Variants in WDFY2 observed in about 807,000 individuals in gnomAD.
WDFY2 encodes the protein WD repeat and FYVE domain containing 2, also known as WD repeat and FYVE domain-containing protein 2.
Under a neutral mutation model 56.4 loss-of-function variants are expected in WDFY2, and 36 were observed. The observed-to-expected ratio is 0.64, with a 90% CI of 0.49 to 0.84. WDFY2 has a LOEUF of 0.84. Among genes scored for constraint, WDFY2 ranks in the 40% least tolerant of loss-of-function variants. The pLI is 0.00. For synonymous variants in WDFY2, 176 were observed against 183.7 expected, an observed-to-expected ratio of 0.96 and a Z score of 0.34; for missense variants, 444 against 512.2, an observed-to-expected ratio of 0.87 and a Z score of 1.29.
At chr13:51,668,976 A>G (rs1955761903) in intron 2 of WDFY2, among the ~76,000 whole-genome samples, 1 of 152,206 alleles carries the variant, frequency 6.6e-6, no homozygotes, top group Admixed American at 6.5e-5. Context: ...CCAAATCGAA[A>G]TATTTTGAGA....
intron 1 of WDFY2, among the ~76,000 whole-genome samples, chr13:51,621,677 T>G (rs964713429): frequency 6.6e-6 from 1 of 152,186 alleles, no homozygotes; most frequent in Non-Finnish European, 1.5e-5. Flanking sequence ...GCCTCACCTC[T>G]CTGAAAGTTT....
intron 1 of WDFY2, among the ~76,000 whole-genome samples, chr13:51,640,695 A>G (rs988764189): frequency 1.2e-4 from 19 of 152,042 alleles, no homozygotes; most frequent in African/African-American, 4.6e-4. Context: ...CTAAAAATAC[A>G]AAAAATTAGC....
chr13:51,621,179 T>C (rs557844844), intron 1 of WDFY2, among the ~76,000 whole-genome samples: 55 of 152,322 alleles, frequency 3.6e-4, no homozygotes, highest in African/African-American at 1.3e-3. Context: ...TTGGAAGTGG[T>C]TATGTGCAGA....
chr13:51,695,964 G>A (rs531047361), intron 3 of WDFY2, among the ~76,000 whole-genome samples: 41 of 152,358 alleles, frequency 2.7e-4, no homozygotes, highest in Middle Eastern at 3.4e-3. Flanking sequence ...GACTGTGGGC[G>A]TAGGACCCTC....
intron 1 of WDFY2, among the ~76,000 whole-genome samples, chr13:51,614,324 G>A (rs17597215): frequency 0.14 from 20,837 of 152,164 alleles, 1,784 homozygotes; most frequent in South Asian, 0.23. Flanking sequence ...AAGATGTTGA[G>A]TGAACCCTGA....
intron 1 of WDFY2, among the ~76,000 whole-genome samples, chr13:51,621,687 T>C (rs922721200): frequency 6.6e-6 from 1 of 152,192 alleles, no homozygotes; most frequent in Non-Finnish European, 1.5e-5. Context: ...TCTGAAAGTT[T>C]TAAAGAATGC....
chr13:51,722,355 A>G (rs1223767736), intron 5 of WDFY2, among the ~76,000 whole-genome samples: 1 of 152,220 alleles, frequency 6.6e-6, no homozygotes, highest in Admixed American at 6.5e-5. Context: ...GTAAAGGAAG[A>G]CAAAGAGACT....
At chr13:51,635,781 A>G (rs1955036583) in intron 1 of WDFY2, among the ~76,000 whole-genome samples, 1 of 152,218 alleles carries the variant, frequency 6.6e-6, no homozygotes, top group African/African-American at 2.4e-5. Context: ...GATACAAAGC[A>G]AATAAAACAC....
At chr13:51,642,929 G>C (rs1955198416) in intron 1 of WDFY2, among the ~76,000 whole-genome samples, 1 of 152,078 alleles carries the variant, frequency 6.6e-6, no homozygotes. Context: ...GCTCACCTTG[G>C]CCTCCCAAAG....
chr13:51,704,166 G>A (rs1168583407), intron 4 of WDFY2, among the ~76,000 whole-genome samples: 1 of 152,124 alleles, frequency 6.6e-6, no homozygotes, highest in Non-Finnish European at 1.5e-5. Flanking sequence ...AACACTTAGA[G>A]GTCATTTCCT....
In WDFY2 at chr13:51,675,210, A is replaced by G; in HGVS notation, c.246A>G (p.Arg82=). The part of the protein sequence containing the change: ...SCMSFNPETR[R]LSIGLDNGTI... Reference sequence around the variant, plus strand: ...TGTCTTTTAACCCGGAAACAAGAAGACTGTCCATAGGTCTAGACAATGGTA... The same window carrying G: ...TGTCTTTTAACCCGGAAACAAGAAGGCTGTCCATAGGTCTAGACAATGGTA... Residue 82 remains arginine (R), a synonymous_variant, in exon 3 of 12, where the codon AGA becomes AGG. Transcript: ENST00000298125. 1 of 1,613,974 alleles carries G rather than the reference A, an allele frequency of 6.2e-7. No homozygotes were observed. The highest frequency in any genetic ancestry group is 8.5e-7 in the Non-Finnish European group (1 of 1,179,902).
chr13:51,648,167 G>A (rs912599351), intron 1 of WDFY2, among the ~76,000 whole-genome samples: 15 of 152,168 alleles, frequency 9.9e-5, no homozygotes, highest in African/African-American at 2.4e-4. Flanking sequence ...TGGGAGGCAC[G>A]TGGGAATTCC....
chr13:51,730,977 GTTT>G (rs1460428190), intron 6 of WDFY2, among the ~76,000 whole-genome samples: 2 of 152,220 alleles, frequency 1.3e-5, no homozygotes, highest in African/African-American at 4.8e-5. Context: ...CCATTAAAGA[GTTT>G]GAAGCAAAGA....
intron 4 of WDFY2, among the ~76,000 whole-genome samples, chr13:51,710,490 G>C (rs1214925051): frequency 6.6e-6 from 1 of 152,150 alleles, no homozygotes; most frequent in African/African-American, 2.4e-5. Flanking sequence ...AAAAGAGGAA[G>C]TCAAATTGTC....
At chr13:51,758,450 T>G (rs1953469498) in intron 11 of WDFY2, 150 bp downstream of exon 11, 1 of 465,224 alleles carries the variant, frequency 2.1e-6, no homozygotes, top group South Asian at 3.3e-5. Flanking sequence ...ACTCAGGAGA[T>G]TTAGGAGGGA....
At position 51,680,595 on chromosome 13, in the gene WDFY2, T is replaced by G. The variant is rs1053923863; in HGVS notation, c.279+5352T>G. On this transcript the variant is annotated intron_variant, in intron 3 of 11. Transcript: ENST00000298125. ...TCTGGTAATATTGTATCTACTGTGT[T>G]TCCCTAACAGTGTTAGAGCAGTTGA... Among the ~76,000 whole-genome samples the G allele has an allele frequency of 5.3e-5, 8 of 152,226 alleles. No homozygotes were observed. In the East Asian group the frequency reaches 1.5e-3, roughly 29 times the overall value.
At chr13:51,715,166 T>A (rs1358799388) in intron 4 of WDFY2, among the ~76,000 whole-genome samples, 1 of 152,198 alleles carries the variant, frequency 6.6e-6, no homozygotes, top group Non-Finnish European at 1.5e-5. Context: ...GTAGACTTCA[T>A]AAACACTGTA....
chr13:51,721,837 T>G (rs997336258), intron 5 of WDFY2, among the ~76,000 whole-genome samples: 2 of 152,166 alleles, frequency 1.3e-5, no homozygotes, highest in African/African-American at 2.4e-5. Context: ...TGCCAGAGGG[T>G]CTCAGCCAAG....
intron 1 of WDFY2, among the ~76,000 whole-genome samples, chr13:51,659,340 C>T (rs888001776): frequency 6.6e-6 from 1 of 152,130 alleles, no homozygotes; most frequent in Non-Finnish European, 1.5e-5. Context: ...TAGGAAGTAT[C>T]CAACTCTCTC....
Sources: gnomAD v4.1 joint callset for allele counts (sites outside exome capture counted in the v4.1 genomes callset) on GRCh38, gnomAD v4.1.1 for gene constraint, MANE v1.5 for transcripts, NCBI Gene and HGNC (gene_info 2026-07-23, HGNC 2026-07-21) for gene names.